The following THOC2 variants were observed in gnomAD, a reference collection of about 807,000 sequenced individuals.
THOC2 encodes THO complex subunit 2.
In THOC2, 10 loss-of-function variants were observed where a neutral mutation model predicts 128.4. The observed-to-expected ratio is 0.08, with a 90% CI of 0.05 to 0.13. The LOEUF is 0.13. Ranked by LOEUF, THOC2 falls within the 10% of genes least tolerant of loss-of-function variation. The pLI, the probability that THOC2 is intolerant of heterozygous loss-of-function variation, is 1.00. For synonymous variants in THOC2, 393 were observed against 396.9 expected, an observed-to-expected ratio of 0.99 and a Z score of 0.12; for missense variants, 535 against 1,155.7, an observed-to-expected ratio of 0.46 and a Z score of 7.79.
intron 12 of THOC2, among the ~76,000 whole-genome samples, chrX:123,649,970 C>T (rs1207286844): frequency 1.8e-5 from 2 of 111,031 alleles, no homozygotes; most frequent in Non-Finnish European, 3.8e-5. Context: ...CACAAAGATA[C>T]TCCTCGAGAA....
chrX:123,690,743 G>C (rs1450773192), intron 7 of THOC2, among the ~76,000 whole-genome samples: 1 of 111,839 alleles, frequency 8.9e-6, no homozygotes, highest in Non-Finnish European at 1.9e-5. Flanking sequence ...ATGGACCTTA[G>C]GAGACAAAGA....
chrX:123,637,861 T>C (rs2047736365), intron 18 of THOC2, among the ~76,000 whole-genome samples, 182 bp downstream of exon 18: 1 of 112,105 alleles, frequency 8.9e-6, no homozygotes, highest in African/African-American at 3.2e-5. Flanking sequence ...GGAAAATAAA[T>C]AAGTACCATA....
intron 33 of THOC2, among the ~76,000 whole-genome samples, chrX:123,617,975 A>C (rs1395660439): frequency 2.7e-5 from 3 of 111,824 alleles, no homozygotes; most frequent in African/African-American, 6.5e-5. Context: ...ATGGAATATA[A>C]ATTAAGTTTT....
At chrX:123,713,998 T>A (rs1389609611) in intron 1 of THOC2, among the ~76,000 whole-genome samples, 1 of 111,483 alleles carries the variant, frequency 9.0e-6, no homozygotes, top group South Asian at 3.7e-4. Context: ...AGAGATACCA[T>A]AGGGATACAA....
chrX:123,688,343 A>G (rs754136674), intron 7 of THOC2, among the ~76,000 whole-genome samples: 2 of 112,314 alleles, frequency 1.8e-5, no homozygotes, highest in African/African-American at 6.5e-5. Context: ...CAAAATAATT[A>G]TGCTGAATGA....
At chrX:123,615,248 C>T (rs773851577) in intron 33 of THOC2, among the ~76,000 whole-genome samples, 31 of 111,194 alleles carry the variant, frequency 2.8e-4, no homozygotes, top group African/African-American at 8.4e-4. Context: ...ATGAAGAAAT[C>T]CTTTGGTATT....
At chrX:123,620,524 G>A (rs2047046105) in intron 32 of THOC2, 1 of 127,514 alleles carries the variant, frequency 7.8e-6, no homozygotes, top group African/African-American at 3.2e-5. Flanking sequence ...TGTCATCCAG[G>A]AAGTCTTCAG....
At chrX:123,637,476 T>G (rs1338183892) in intron 18 of THOC2, among the ~76,000 whole-genome samples, 6 of 111,716 alleles carry the variant, frequency 5.4e-5, no homozygotes, top group African/African-American at 1.6e-4. Flanking sequence ...AAAGGAGATT[T>G]TTGGCTAGGC....
chrX:123,692,250 G>GGT (rs2050252233), intron 7 of THOC2, among the ~76,000 whole-genome samples: 1 of 111,396 alleles, frequency 9.0e-6, no homozygotes, highest in South Asian at 3.7e-4. Flanking sequence ...TCTAAAAGAT[G>GGT]TTTTTTTGCC....
chrX:123,677,447 A>G (rs926952889), intron 8 of THOC2, among the ~76,000 whole-genome samples: 2 of 112,161 alleles, frequency 1.8e-5, no homozygotes, highest in African/African-American at 3.2e-5. Flanking sequence ...TTCTTACCTT[A>G]TAAGTTTTTT....
At chrX:123,672,656 T>G (rs1569406788) in intron 8 of THOC2, among the ~76,000 whole-genome samples, 1 of 111,983 alleles carries the variant, frequency 8.9e-6, no homozygotes, top group Non-Finnish European at 1.9e-5. Flanking sequence ...AAATCGATGT[T>G]TTAAAGTACA....
intron 12 of THOC2, among the ~76,000 whole-genome samples, chrX:123,662,870 C>T (rs2048896690): frequency 2.7e-5 from 3 of 111,416 alleles, no homozygotes; most frequent in African/African-American, 9.8e-5. Context: ...GATCAACATC[C>T]CTAGTCACTG....
At chrX:123,675,206 T>C (rs1244225844) in intron 8 of THOC2, among the ~76,000 whole-genome samples, 1 of 111,912 alleles carries the variant, frequency 8.9e-6, no homozygotes, top group Non-Finnish European at 1.9e-5. Flanking sequence ...TTATTTCAGT[T>C]ATTGTACTTT....
At chrX:123,603,420 T>C in intron 38 of THOC2, 1 of 359,387 alleles carries the variant, frequency 2.8e-6, no homozygotes. Flanking sequence ...TTTCCTCTCC[T>C]TTCAGAGAAA....
Position 123,667,177 on chromosome X carries a change from T to C in THOC2, c.1119A>G (p.Ala373=). 1 of 1,205,828 alleles carries C rather than the reference T, an allele frequency of 8.3e-7. No homozygotes were observed. The highest frequency in any genetic ancestry group is 2.3e-4 in the Middle Eastern group (1 of 4,339). Residue 373 remains alanine, a synonymous_variant, in exon 11 of 39, where the codon GCA becomes GCG. Transcript: ENST00000245838. ...NIMDQMPPYY[A]ASHKLIALAI... ...CAAGGGCTATTAGCTTGTGTGAAGC[T>C]GCATAGTATGGAGGCATCTGATCCA...
chrX:123,623,992 T>C (rs1169857330), intron 27 of THOC2, 21 bp from the exon 28 acceptor site: 1 of 1,183,462 alleles, frequency 8.4e-7, no homozygotes, highest in Admixed American at 2.5e-5. Context: ...CATTTTCAGA[T>C]CCATTATTAT....
chrX:123,628,721 T>TA (rs2047358973), intron 22 of THOC2, among the ~76,000 whole-genome samples: 1 of 99,711 alleles, frequency 1.0e-5, no homozygotes, highest in Non-Finnish European at 2.0e-5. Context: ...AAAATAAAAA[T>TA]TAAAAAAAAA....
chrX:123,718,774 CTACACAG>C (rs1253946901), intron 1 of THOC2, among the ~76,000 whole-genome samples: 1 of 110,375 alleles, frequency 9.1e-6, no homozygotes, highest in Non-Finnish European at 1.9e-5. Flanking sequence ...AAAAAAGTTT[CTACACAG>C]GAAAGGAAAC....
chrX:123,704,281 T>C (rs1189018364), intron 3 of THOC2, among the ~76,000 whole-genome samples: 1 of 112,040 alleles, frequency 8.9e-6, no homozygotes, highest in African/African-American at 3.2e-5. Context: ...GCAAAAATCA[T>C]AATGGTATCA....
Sources: allele counts gnomAD v4.1 joint callset (sites outside exome capture counted in the v4.1 genomes callset), GRCh38; gene constraint gnomAD v4.1.1; transcripts MANE v1.5; gene names NCBI Gene and HGNC (gene_info 2026-07-23, HGNC 2026-07-21).